MALRD1: variants seen among roughly 807,000 people sequenced by gnomAD.
MALRD1 encodes the protein MAM and LDL receptor class A domain containing 1, also known as MAM and LDL-receptor class A domain-containing protein 1.
Under a neutral mutation model 242.1 loss-of-function variants are expected in MALRD1, and 247 were observed. The observed-to-expected ratio is 1.02, with a 90% CI of 0.92 to 1.13. The LOEUF is 1.13. Among genes scored for constraint, MALRD1 ranks in the 50% most tolerant of loss-of-function variants. The probability of loss-of-function intolerance (pLI) is 0.00; values close to 1 mark genes in which losing one functional copy is unlikely to be tolerated. For synonymous variants in MALRD1, 995 were observed against 866.6 expected (o/e 1.15, Z -2.60); for missense variants, 2,989 against 2,533.1 (o/e 1.18, Z -3.86).
chr10:19,517,383 C>T (rs552407026), intron 31 of MALRD1, among the ~76,000 whole-genome samples: 9 of 152,212 alleles, frequency 5.9e-5, no homozygotes, highest in African/African-American at 1.4e-4. Context: ...TCTCAGGGCA[C>T]GAGGTTCTAG....
intron 21 of MALRD1, among the ~76,000 whole-genome samples, chr10:19,303,054 T>G (rs12780699): frequency 0.022 from 3,382 of 151,674 alleles, 57 homozygotes; most frequent in Middle Eastern, 0.054. Context: ...TAAATATGTT[T>G]GGGCTAAATA....
At chr10:19,369,412 ATTC>A (rs1255469243) in intron 26 of MALRD1, among the ~76,000 whole-genome samples, 3 of 147,830 alleles carry the variant, frequency 2.0e-5, no homozygotes, top group Non-Finnish European at 4.5e-5. Flanking sequence ...GCACACACAC[ATTC>A]TTCTATGGAG....
intron 33 of MALRD1, among the ~76,000 whole-genome samples, chr10:19,591,161 G>A (rs752029204): frequency 3.0e-4 from 45 of 152,124 alleles, no homozygotes; most frequent in Non-Finnish European, 6.2e-4. Flanking sequence ...ACAGCATGTA[G>A]CCTTTTCACA....
intron 36 of MALRD1, among the ~76,000 whole-genome samples, chr10:19,641,309 C>A (rs1383292202): frequency 6.6e-6 from 1 of 152,052 alleles, no homozygotes; most frequent in Non-Finnish European, 1.5e-5. Flanking sequence ...GAGTGTAAAG[C>A]AATAGTTATA....
At chr10:19,244,088 C>T (rs11597355) in intron 18 of MALRD1, among the ~76,000 whole-genome samples, 19,959 of 151,936 alleles carry the variant, frequency 0.13, 1,659 homozygotes, top group Admixed American at 0.27. Context: ...TAAAGATATC[C>T]GAAACTAAGA....
At chr10:19,226,999 G>A (rs1463940523) in intron 18 of MALRD1, among the ~76,000 whole-genome samples, 3 of 151,876 alleles carry the variant, frequency 2.0e-5, no homozygotes, top group Non-Finnish European at 2.9e-5. Flanking sequence ...TCACTAATAC[G>A]AGAAATTGAA....
At chr10:19,125,295 TTCCTTCCTTCC>T (rs1564407749) in intron 7 of MALRD1, among the ~76,000 whole-genome samples, 14 of 34,958 alleles carry the variant, frequency 4.0e-4, no homozygotes, top group South Asian at 1.1e-3. Flanking sequence ...CTTTCTTTCC[TTCCTTCCTTCC>T]TTCCTTCCTT....
At chr10:19,707,664 T>G (rs1833927959) in intron 38 of MALRD1, among the ~76,000 whole-genome samples, 1 of 150,488 alleles carries the variant, frequency 6.6e-6, no homozygotes, top group African/African-American at 2.4e-5. Context: ...ATATTTCCAT[T>G]ATGACTGGGT....
intron 15 of MALRD1, 108 bp downstream of exon 15, chr10:19,203,988 A>C: frequency 7.7e-7 from 1 of 1,306,098 alleles, no homozygotes; most frequent in Non-Finnish European, 1.1e-6. Context: ...ACAAACAGTC[A>C]GATAGTTGAA....
chr10:19,047,669 A>G (rs1199994525), upstream of MALRD1, among the ~76,000 whole-genome samples: 2 of 152,272 alleles, frequency 1.3e-5, no homozygotes, highest in Admixed American at 6.5e-5. Context: ...GCACAGTGCA[A>G]CAAAATGTTA....
chr10:19,703,145 A>T (rs960421179), intron 38 of MALRD1, among the ~76,000 whole-genome samples: 1 of 152,224 alleles, frequency 6.6e-6, no homozygotes, highest in Non-Finnish European at 1.5e-5. Flanking sequence ...AATTTAGGGT[A>T]AAGACACAGG....
chr10:19,695,545 A>G (rs1310403474), intron 38 of MALRD1, among the ~76,000 whole-genome samples: 5 of 133,494 alleles, frequency 3.7e-5, no homozygotes, highest in Admixed American at 3.3e-4. Flanking sequence ...TTTGAGATGG[A>G]GTCTCACTCT....
chr10:19,491,049 T>C, intron 29 of MALRD1: 1 of 200,946 alleles, frequency 5.0e-6, no homozygotes, highest in South Asian at 1.0e-4. Context: ...GTTAACATCT[T>C]CTTTATGTAA....
chr10:19,128,424 A>T, intron 8 of MALRD1, 37 bp downstream of exon 8: 1 of 1,205,092 alleles, frequency 8.3e-7, no homozygotes, highest in Non-Finnish European at 1.0e-6. Flanking sequence ...AATTCATTGA[A>T]TCAATGAAGT....
chr10:19,327,382 C>T (rs1056534080), intron 22 of MALRD1, among the ~76,000 whole-genome samples, 181 bp from the exon 23 acceptor site: 10 of 151,580 alleles, frequency 6.6e-5, no homozygotes, highest in South Asian at 2.1e-4. Context: ...TTGTGAGGTA[C>T]GCTAGGGGCA....
chr10:19,611,796 A>G (rs1193479788), intron 35 of MALRD1, among the ~76,000 whole-genome samples: 1 of 152,040 alleles, frequency 6.6e-6, no homozygotes, highest in East Asian at 1.9e-4. Flanking sequence ...TATTATGGAT[A>G]AAGAACCTGG....
At chr10:19,521,297 CTTTAA>C (rs1352045037) in intron 31 of MALRD1, among the ~76,000 whole-genome samples, 4 of 152,020 alleles carry the variant, frequency 2.6e-5, no homozygotes, top group African/African-American at 4.8e-5. Flanking sequence ...ATCTTGCTTC[CTTTAA>C]TTTATTTCCT....
intron 33 of MALRD1, among the ~76,000 whole-genome samples, chr10:19,593,302 C>T (rs1837915230): frequency 3.3e-5 from 5 of 152,126 alleles, no homozygotes; most frequent in Admixed American, 3.3e-4. Context: ...AACATAGGCT[C>T]CCTAAGCACA....
chr10:19,277,837 T>G (rs879573528), intron 19 of MALRD1, among the ~76,000 whole-genome samples: 30 of 152,226 alleles, frequency 2.0e-4, no homozygotes, highest in Non-Finnish European at 3.2e-4. Flanking sequence ...CTCCAGATAC[T>G]GGACATTTAA....
Sources: allele counts gnomAD v4.1 joint callset (sites outside exome capture counted in the v4.1 genomes callset), GRCh38; gene constraint gnomAD v4.1.1; transcripts MANE v1.5; gene names NCBI Gene and HGNC (gene_info 2026-07-23, HGNC 2026-07-21).